MYO16: variants seen among roughly 807,000 people sequenced by gnomAD.
The protein encoded by MYO16 is unconventional myosin-XVI.
A neutral mutation model predicts 205.3 loss-of-function variants in MYO16; 94 were observed. The ratio of observed to expected loss-of-function variants is 0.46; its 90% CI spans 0.39 to 0.54. MYO16 has a LOEUF of 0.54. MYO16 is among the 20% of genes least tolerant of loss of function. MYO16 has a pLI of 0.00. For synonymous variants in MYO16, 988 were observed against 954.0 expected (o/e 1.04, Z -0.66); for missense variants, 2,315 against 2,387.5 (o/e 0.97, Z 0.63).
intron 23 of MYO16, among the ~76,000 whole-genome samples, chr13:109,046,357 T>G (rs1194384264): frequency 1.3e-5 from 2 of 152,232 alleles, no homozygotes; most frequent in South Asian, 2.1e-4. Flanking sequence ...CAGCCTCTAC[T>G]AGTAGGCTGA....
chr13:109,048,323 T>C, intron 24 of MYO16: 2 of 751,962 alleles, frequency 2.7e-6, no homozygotes, highest in Non-Finnish European at 4.9e-6. Flanking sequence ...TTCAGTCTTT[T>C]TTTTTATTCT....
rs1878421628 is a variant in MYO16 at position 109,162,213 on chromosome 13, A to G, written c.5165-2688A>G. Among the ~76,000 whole-genome samples, 1 of 152,222 alleles carries G rather than the reference A, an allele frequency of 6.6e-6. No individual in the cohort carries two copies. Among genetic ancestry groups the G allele is most frequent in the South Asian group, 2.1e-4 (1 of 4,832 alleles). Reference sequence around the variant, plus strand: ...GGCTGCAATTTAAATACATCAGTTGATGAGATAGAAATCAGTTGTGAGGGA... The same window carrying G: ...GGCTGCAATTTAAATACATCAGTTGGTGAGATAGAAATCAGTTGTGAGGGA... On this transcript the variant is annotated intron_variant, in intron 32 of 34. Coordinates refer to ENST00000457511, the MANE Select transcript of MYO16 (RefSeq NM_001198950.3). This position sits in a 1 kb window ranked among gnomAD's most constrained non-coding sequence, Gnocchi z 4.6.
chr13:109,049,877 T>G (rs1439736673), intron 24 of MYO16, among the ~76,000 whole-genome samples: 2 of 151,576 alleles, frequency 1.3e-5, no homozygotes, highest in Non-Finnish European at 2.9e-5. Context: ...CTTGCTATCT[T>G]TCTTTCTATC....
At chr13:109,063,195 A>G (rs1277187093) in intron 27 of MYO16, among the ~76,000 whole-genome samples, 2 of 152,192 alleles carry the variant, frequency 1.3e-5, no homozygotes, top group Admixed American at 1.3e-4. Flanking sequence ...ATAACTGTCC[A>G]TCATTCTGAG....
At chr13:108,548,350 G>A in the MYO16 span, among the ~76,000 whole-genome samples, 2 of 151,350 alleles carry the variant, frequency 1.3e-5, no homozygotes, top group Non-Finnish European at 2.9e-5. Context: ...GAATGATGAC[G>A]CTGACGATGA....
chr13:109,060,116 C>T (rs910415497), intron 27 of MYO16, among the ~76,000 whole-genome samples: 1 of 152,054 alleles, frequency 6.6e-6, no homozygotes, highest in African/African-American at 2.4e-5. Context: ...TACCATTTGA[C>T]CCAGCAATCA....
chr13:108,637,318 A>C (rs1386393767), intron 1 of MYO16, among the ~76,000 whole-genome samples: 1 of 152,154 alleles, frequency 6.6e-6, no homozygotes, highest in Non-Finnish European at 1.5e-5. Context: ...CTGTTGTTCT[A>C]CTTGGGTACC....
chr13:108,743,463 G>A (rs2139618535), intron 4 of MYO16, among the ~76,000 whole-genome samples: 1 of 152,304 alleles, frequency 6.6e-6, no homozygotes, highest in South Asian at 2.1e-4. Context: ...ATACAATGAG[G>A]AGCTCTTTAA....
intron 5 of MYO16, among the ~76,000 whole-genome samples, chr13:108,792,512 CTTT>C (rs35311611): frequency 1.9e-4 from 25 of 129,292 alleles, no homozygotes; most frequent in Admixed American, 2.4e-4. Context: ...ATACTAATGT[CTTT>C]TTTTTTTTTT....
At chr13:108,703,910 A>T (rs1300861475) in intron 2 of MYO16, among the ~76,000 whole-genome samples, 1 of 152,190 alleles carries the variant, frequency 6.6e-6, no homozygotes, top group Non-Finnish European at 1.5e-5. Flanking sequence ...CCAATAAGTT[A>T]AAAAGAGGTC....
chr13:108,595,192 T>C (rs1170255782), upstream of MYO16, among the ~76,000 whole-genome samples: 3 of 152,200 alleles, frequency 2.0e-5, no homozygotes, highest in Non-Finnish European at 2.9e-5. Context: ...TAGATACATA[T>C]GGATTTCTTT....
intron 32 of MYO16, among the ~76,000 whole-genome samples, chr13:109,155,809 A>T (rs1461801033): frequency 6.6e-6 from 1 of 151,832 alleles, no homozygotes; most frequent in African/African-American, 2.4e-5. Flanking sequence ...AGCAGTCTCC[A>T]CTCTCCTCAC....
intron 1 of MYO16, among the ~76,000 whole-genome samples, chr13:108,639,292 A>G (rs1320970217): frequency 1.3e-5 from 2 of 152,180 alleles, no homozygotes; most frequent in Non-Finnish European, 2.9e-5. Context: ...ATAAGGTGGA[A>G]TTAACAGAAT....
At chr13:109,021,121 C>T (rs982618642) in intron 23 of MYO16, among the ~76,000 whole-genome samples, 1 of 152,056 alleles carries the variant, frequency 6.6e-6, no homozygotes, top group Non-Finnish European at 1.5e-5. Flanking sequence ...CTTGGAAAGA[C>T]ATAGAATTTT....
chr13:108,604,864 G>A (rs1292946995), intron 1 of MYO16, among the ~76,000 whole-genome samples: 1 of 152,184 alleles, frequency 6.6e-6, no homozygotes, highest in Non-Finnish European at 1.5e-5. Context: ...CACAGTTCAT[G>A]GTAATGGGTA....
chr13:108,619,853 C>A (rs769260502), intron 1 of MYO16, among the ~76,000 whole-genome samples: 2 of 151,964 alleles, frequency 1.3e-5, no homozygotes, highest in Admixed American at 6.6e-5. Flanking sequence ...AGGCAAGGGA[C>A]GATGCGCGGT....
chr13:108,780,878 A>G (rs984747472), intron 4 of MYO16, among the ~76,000 whole-genome samples: 2 of 152,238 alleles, frequency 1.3e-5, no homozygotes, highest in African/African-American at 4.8e-5. Flanking sequence ...GAATAATACC[A>G]GGTAACTTAG....
the MYO16 span, among the ~76,000 whole-genome samples, chr13:108,551,691 C>G: frequency 3.3e-5 from 5 of 152,190 alleles, no homozygotes; most frequent in South Asian, 2.1e-4. Context: ...AATTTTCACC[C>G]CCAAGATTTG....
the MYO16 span, among the ~76,000 whole-genome samples, chr13:108,554,625 G>A: frequency 2.6e-5 from 4 of 152,106 alleles, no homozygotes; most frequent in East Asian, 7.7e-4. Context: ...CGAGGCGGGC[G>A]GATCACGATG....
Sources: gnomAD v4.1 joint callset for allele counts (sites outside exome capture counted in the v4.1 genomes callset) on GRCh38, gnomAD v4.1.1 for gene constraint, Gnocchi (gnomAD v3.1) non-coding constraint, MANE v1.5 for transcripts, NCBI Gene and HGNC (gene_info 2026-07-23, HGNC 2026-07-21) for gene names.